Variants in LAMA5 observed in about 807,000 individuals in gnomAD.
LAMA5 encodes laminin subunit alpha 5, also known as laminin subunit alpha-5.
A neutral mutation model predicts 433.4 loss-of-function variants in LAMA5; 260 were observed. That is an observed-to-expected ratio of 0.60 (90% CI 0.54 to 0.66). The LOEUF (loss-of-function observed/expected upper bound fraction) is 0.66. Among genes scored for constraint, LAMA5 ranks in the 30% least tolerant of loss-of-function variants. LAMA5 has a pLI of 0.00. For synonymous variants in LAMA5, 2,620 were observed against 2,226.6 expected, an observed-to-expected ratio of 1.18 and a Z score of -4.97; for missense variants, 5,378 against 5,258.5, an observed-to-expected ratio of 1.02 and a Z score of -0.70.
Position 62,320,890 on chromosome 20 carries a change from A to G in LAMA5, c.6497T>C (p.Val2166Ala), listed in dbSNP as rs1482326198. 1.2e-6 allele frequency: 2 copies of G among 1,604,126 alleles called. No individual in the cohort carries two copies. Among genetic ancestry groups the G allele is most frequent in the Non-Finnish European group, 1.7e-6 (2 of 1,174,834 alleles). The change falls in exon 49 of 80, where the codon GTG becomes GCG. Residue 2166 changes from valine (V) to alanine (A), a missense_variant and splice_region_variant. Physicochemically the swap from Val to Ala is moderately conservative, Grantham distance 64. Coordinates refer to ENST00000252999, the MANE Select transcript of LAMA5 (RefSeq NM_005560.6). ...GAGCAGGACCACACAGTGGTCACAC[A>G]CTGCAGGCGATGTGGGGTCACAGGT... is the stretch of plus-strand genomic sequence containing the variant. Reference protein sequence around the residue: ...GPVGHSIHCEVCDHCVVLLLD... With the variant: ...GPVGHSIHCEACDHCVVLLLD...
At position 62,312,436 on chromosome 20, in the gene LAMA5, C is replaced by T. The variant is rs148492275; in HGVS notation, c.9324G>A (p.Thr3108=). The change falls in exon 68 of 80, where the codon ACG becomes ACA. Residue 3108 remains threonine (T), a synonymous_variant. Coordinates refer to ENST00000252999, the MANE Select transcript of LAMA5 (RefSeq NM_005560.6). ...CGGTGCAGCCGGCGCTCACGCCTGT[C>T]GTGTTCAGCCGCTTGAGGTCCACAT... ...GKYVDLKRLN[T]TGVSAGCTAD... is the part of the protein sequence containing the mutation. 3.1e-4 allele frequency: 500 copies of T among 1,597,942 alleles called. 1 individual carries two copies. The highest frequency in any genetic ancestry group is 7.2e-4 in the Admixed American group (43 of 59,912).
chr20:62,330,499 C>T lies in LAMA5; in HGVS notation c.3968G>A (p.Arg1323His), dbSNP rs539546750. 4.6e-5 allele frequency: 72 copies of T among 1,555,768 alleles called. 1 individual carries two copies. The South Asian group carries it at 7.5e-4, about 16-fold the overall frequency. ...FPVEVLINAG[R>H]VWQGHANASF... ...CACCAGACACTCACCCTGCCACACG[C>T]GGCCGGCGTTGATGAGGACTTCCAC... Residue 1323 changes from arginine to histidine, a missense_variant, in exon 31 of 80, where the codon CGC becomes CAC. Arg to His is a conservative substitution (Grantham distance 29). Transcript: ENST00000252999.
intron 48 of LAMA5, among the ~76,000 whole-genome samples, 175 bp downstream of exon 48, chr20:62,321,844 T>A (rs561215645): frequency 6.6e-6 from 1 of 151,444 alleles, no homozygotes; most frequent in Non-Finnish European, 1.5e-5. Context: ...CAGCCAGCAG[T>A]GGAGCTGCAG....
chr20:62,314,161 G>A, intron 62 of LAMA5, 143 bp downstream of exon 62: 2 of 1,111,148 alleles, frequency 1.8e-6, no homozygotes, highest in Non-Finnish European at 2.6e-6. Flanking sequence ...GACGAGGGGT[G>A]GCGAGTGGGC....
At chr20:62,329,741 A>G (rs769020369) in intron 32 of LAMA5, 36 bp downstream of exon 32, 14 of 1,609,810 alleles carry the variant, frequency 8.7e-6, no homozygotes, top group Non-Finnish European at 1.2e-5. Context: ...GTATAAGGAC[A>G]GCTGGTCCCT....
intron 11 of LAMA5, 22 bp from the exon 12 acceptor site, chr20:62,338,630 G>A (rs1408144494): frequency 1.3e-6 from 2 of 1,598,322 alleles, no homozygotes. Flanking sequence ...GGACAGGCAG[G>A]GGAGTCTCAG....
Position 62,359,847 on chromosome 20 carries a change from G to A in LAMA5, c.450+2553C>T, listed in dbSNP as rs560767437. Among the ~76,000 whole-genome samples, 125 of 152,136 alleles carry A rather than the reference G, an allele frequency of 8.2e-4. 1 individual carries two copies. The South Asian group carries it at 0.025, about 30-fold the overall frequency. On this transcript the variant is annotated intron_variant, in intron 2 of 79. Coordinates refer to ENST00000252999, the MANE Select transcript of LAMA5 (RefSeq NM_005560.6). This position sits in a 1 kb window ranked among gnomAD's most constrained non-coding sequence, Gnocchi z 4.3. ...CCAGCCCCTGCCCCACCGCACACCA[G>A]GGGTATGAGATCCGAACCGTGATGC... is the stretch of plus-strand genomic sequence containing the variant.
At chr20:62,326,606 G>C in intron 40 of LAMA5, 71 bp downstream of exon 40, 1 of 1,265,138 alleles carries the variant, frequency 7.9e-7, no homozygotes, top group Non-Finnish European at 1.1e-6. Context: ...GCAGCACTGG[G>C]ACCCCTTCCG....
At chr20:62,340,312 T>TTG (rs1271503559) in intron 11 of LAMA5, among the ~76,000 whole-genome samples, 20 of 140,360 alleles carry the variant, frequency 1.4e-4, no homozygotes, top group Non-Finnish European at 2.7e-4. Flanking sequence ...TTTGTTTTTT[T>TTG]TTTTTTTTTT....
intron 69 of LAMA5, 34 bp downstream of exon 69, chr20:62,312,139 G>A (rs369564825): frequency 1.4e-5 from 23 of 1,609,630 alleles, no homozygotes; most frequent in South Asian, 6.6e-5. Flanking sequence ...CGGCCACCGC[G>A]GGGTGGGGAA....
intron 6 of LAMA5, chr20:62,351,396 C>G: frequency 1.9e-6 from 1 of 533,542 alleles, no homozygotes; most frequent in Non-Finnish European, 3.4e-6. Context: ...CAGGTGTCCA[C>G]TATGGTGGGA....
Position 62,315,018 on chromosome 20 carries a change from A to G in LAMA5, c.8047+10T>C, listed in dbSNP as rs1293418448. On this transcript the variant is annotated intron_variant, in intron 59 of 79. Coordinates refer to ENST00000252999, the MANE Select transcript of LAMA5 (RefSeq NM_005560.6). ...CTCCATCAGGGGCACCGCGAGGGCC[A>G]TGGGCGCACCTGAGTGGCCTGCGTC... The G allele has an allele frequency of 3.2e-6, 5 of 1,585,688 alleles. No homozygotes were observed. The highest frequency in any genetic ancestry group is 1.3e-5 in the African/African-American group (1 of 74,646).
rs773839658 is a variant in LAMA5 at position 62,337,466 on chromosome 20, C to T, written c.2164+124G>A. 6.6e-4 allele frequency: 861 copies of T among 1,301,820 alleles called. 4 individuals are homozygous for T. The highest frequency in any genetic ancestry group is 1.4e-3 in the Admixed American group (65 of 46,838). The allele number at this position is 1,301,820 out of a possible 1,614,324, so 80.6% of individuals were successfully genotyped here. A position where few individuals can be genotyped will look rare whatever the true frequency, so the allele number is the denominator to read the frequency against. ...AAGGTGCGAACACAGAGCGTGGGGA[C>T]GCAGTCGCAGTACACACAGCAAGAT... On this transcript the variant is annotated intron_variant, in intron 16 of 79. Transcript: ENST00000252999.
intron 6 of LAMA5, chr20:62,351,398 A>C: frequency 5.8e-6 from 3 of 520,498 alleles, no homozygotes; most frequent in East Asian, 3.2e-5. Context: ...GGTGTCCACT[A>C]TGGTGGGAAG....
At chr20:62,313,851 T>C in intron 62 of LAMA5, 49 bp from the exon 63 acceptor site, 1 of 1,536,926 alleles carries the variant, frequency 6.5e-7, no homozygotes, top group Middle Eastern at 1.8e-4. Flanking sequence ...AGATGAGGGG[T>C]GGCGAGTGGG....
At chr20:62,353,714 G>T (rs1200734762) in intron 2 of LAMA5, among the ~76,000 whole-genome samples, 4 of 152,116 alleles carry the variant, frequency 2.6e-5, no homozygotes, top group Non-Finnish European at 5.9e-5. Context: ...CCACCAGGCA[G>T]GTCCAAAGGT....
intron 66 of LAMA5, 27 bp downstream of exon 66, chr20:62,312,861 C>G: frequency 6.3e-7 from 1 of 1,599,138 alleles, no homozygotes; most frequent in Non-Finnish European, 8.5e-7. Flanking sequence ...CCTCTCCCTG[C>G]CACCCTGGTC....
At position 62,314,998 on chromosome 20, in the gene LAMA5, T is replaced by A. The variant is rs766920374; in HGVS notation, c.8047+30A>T. 1.9e-6 allele frequency: 3 copies of A among 1,578,330 alleles called. No homozygotes were observed. The Admixed American group carries it at 5.1e-5, about 27-fold the overall frequency. On this transcript the variant is annotated intron_variant, in intron 59 of 79. Coordinates refer to ENST00000252999, the MANE Select transcript of LAMA5 (RefSeq NM_005560.6). Reference sequence around the variant, plus strand: ...TTGCCCCCCACCGTGCCCGCCTCCATCAGGGGCACCGCGAGGGCCATGGGC... The same window carrying A: ...TTGCCCCCCACCGTGCCCGCCTCCAACAGGGGCACCGCGAGGGCCATGGGC...
chr20:62,364,081 C>T (rs1390849218), intron 1 of LAMA5, among the ~76,000 whole-genome samples: 1 of 152,196 alleles, frequency 6.6e-6, no homozygotes, highest in Non-Finnish European at 1.5e-5. Flanking sequence ...TCCTTATTCC[C>T]GCTGTGTCCC....
Sources: allele counts gnomAD v4.1 joint callset (sites outside exome capture counted in the v4.1 genomes callset), GRCh38; gene constraint gnomAD v4.1.1; non-coding constraint Gnocchi (gnomAD v3.1); transcripts MANE v1.5; gene names NCBI Gene and HGNC (gene_info 2026-07-23, HGNC 2026-07-21).